TMEM232: variants seen among roughly 807,000 people sequenced by gnomAD.
TMEM232 encodes the protein transmembrane protein 232.
Under a neutral mutation model 78.8 loss-of-function variants are expected in TMEM232, and 80 were observed. The observed-to-expected ratio is 1.01, with a 90% confidence interval of 0.85 to 1.22. TMEM232 has a LOEUF of 1.22. Ranked by LOEUF, TMEM232 falls within the 50% of genes most tolerant of loss-of-function variation. The pLI is 0.00. For missense variants in TMEM232, 881 were observed against 742.2 expected (o/e 1.19, Z -2.17); for synonymous variants, 297 against 254.3 (o/e 1.17, Z -1.60).
intron 1 of TMEM232, among the ~76,000 whole-genome samples, chr5:110,724,191 T>G (rs1797938883): frequency 6.6e-6 from 1 of 152,172 alleles, no homozygotes; most frequent in South Asian, 2.1e-4. Flanking sequence ...TTCACATACT[T>G]TATATCTTTC....
chr5:110,520,189 G>T (rs570880309), intron 12 of TMEM232, among the ~76,000 whole-genome samples: 89 of 151,882 alleles, frequency 5.9e-4, no homozygotes, highest in Admixed American at 1.5e-3. Context: ...AGAAAGAAAT[G>T]ACACATTATT....
intron 11 of TMEM232, among the ~76,000 whole-genome samples, chr5:110,556,632 C>T (rs1775127343): frequency 6.6e-6 from 1 of 152,114 alleles, no homozygotes. Flanking sequence ...GGTGATCCAC[C>T]CAACTCAGCC....
At chr5:110,733,714 GA>G (rs1340385259) in intron 2 of TMEM232, among the ~76,000 whole-genome samples, 2 of 151,936 alleles carry the variant, frequency 1.3e-5, no homozygotes, top group Admixed American at 6.6e-5. Context: ...GAGAGGATCA[GA>G]AAAAAAACCT....
intron 12 of TMEM232, among the ~76,000 whole-genome samples, chr5:110,492,686 A>G (rs1438554024): frequency 2.0e-5 from 3 of 152,002 alleles, no homozygotes; most frequent in Admixed American, 6.6e-5. Context: ...AACATGCTCT[A>G]AATATTTGAA....
chr5:110,690,684 T>C (rs532305168), intron 1 of TMEM232, among the ~76,000 whole-genome samples: 8 of 152,318 alleles, frequency 5.3e-5, no homozygotes, highest in South Asian at 2.1e-4. Flanking sequence ...CATATGCTTA[T>C]TGCAGCACTA....
At chr5:110,587,974 A>C (rs1779067716) in intron 10 of TMEM232, among the ~76,000 whole-genome samples, 1 of 151,668 alleles carries the variant, frequency 6.6e-6, no homozygotes, top group South Asian at 2.1e-4. Context: ...TAAAGAGTAA[A>C]ATATTTTCCA....
At chr5:110,391,135 G>A (rs1755162955) in intron 3 of TMEM232, among the ~76,000 whole-genome samples, 1 of 152,152 alleles carries the variant, frequency 6.6e-6, no homozygotes, top group African/African-American at 2.4e-5. Context: ...AAACTATCAT[G>A]GCAGGGATGG....
At chr5:110,618,248 G>A (rs1056966357) in intron 8 of TMEM232, among the ~76,000 whole-genome samples, 181 bp downstream of exon 8, 1 of 152,008 alleles carries the variant, frequency 6.6e-6, no homozygotes, top group African/African-American at 2.4e-5. Context: ...AGAGAGAAAC[G>A]ATGTATTGAT....
At chr5:110,565,049 C>T (rs996921643) in intron 11 of TMEM232, among the ~76,000 whole-genome samples, 1 of 151,920 alleles carries the variant, frequency 6.6e-6, no homozygotes, top group African/African-American at 2.4e-5. Context: ...TACTTATCCT[C>T]TACTTCCTCC....
chr5:110,663,098 C>T (rs1357237143), intron 2 of TMEM232, among the ~76,000 whole-genome samples: 2 of 151,840 alleles, frequency 1.3e-5, no homozygotes, highest in East Asian at 1.9e-4. Flanking sequence ...ATGTATGAAA[C>T]GTTCATAATA....
At chr5:110,468,491 A>G (rs1762332926) in intron 12 of TMEM232, among the ~76,000 whole-genome samples, 1 of 152,096 alleles carries the variant, frequency 6.6e-6, no homozygotes, top group African/African-American at 2.4e-5. Context: ...TAAATTTATA[A>G]CTTTAAATAT....
intron 12 of TMEM232, among the ~76,000 whole-genome samples, chr5:110,524,411 G>GAAAGAAAGAAAAGAAAAGA (rs1554098914): frequency 1.6e-5 from 1 of 61,424 alleles, no homozygotes; most frequent in Non-Finnish European, 3.8e-5. Flanking sequence ...AAGAAAGAAA[G>GAAAGAAAGAAAAGAAAAGA]AAAGAAAAGA....
intron 2 of TMEM232, among the ~76,000 whole-genome samples, chr5:110,408,399 C>G (rs1439666640): frequency 6.6e-6 from 1 of 152,064 alleles, no homozygotes; most frequent in Non-Finnish European, 1.5e-5. Context: ...CGACACCAGC[C>G]TGGCCAATCT....
chr5:110,557,648 G>C (rs1775260185), intron 11 of TMEM232, among the ~76,000 whole-genome samples: 1 of 152,084 alleles, frequency 6.6e-6, no homozygotes, highest in African/African-American at 2.4e-5. Context: ...GGCTGGAGAA[G>C]GAGGAAGAGA....
At chr5:110,394,644 T>C (rs546042109) in intron 3 of TMEM232, among the ~76,000 whole-genome samples, 2 of 152,204 alleles carry the variant, frequency 1.3e-5, no homozygotes, top group Non-Finnish European at 2.9e-5. Context: ...CACAACTGTT[T>C]GTTTCAAGAA....
At chr5:110,468,529 T>C (rs1295767328) in intron 12 of TMEM232, among the ~76,000 whole-genome samples, 2 of 152,140 alleles carry the variant, frequency 1.3e-5, no homozygotes, top group African/African-American at 2.4e-5. Flanking sequence ...CTAATAATTA[T>C]ATTTCTTATA....
chr5:110,613,383 C>T (rs552606007), intron 8 of TMEM232, among the ~76,000 whole-genome samples: 1 of 152,242 alleles, frequency 6.6e-6, no homozygotes, highest in African/African-American at 2.4e-5. Flanking sequence ...CAAGCACAAG[C>T]CATTTTTGCC....
In TMEM232 at chr5:110,550,225, A is replaced by C. The variant is rs185193442; in HGVS notation, c.1455+18222T>G. 1.4e-3 allele frequency among the ~76,000 whole-genome samples: 206 copies of C among 152,304 alleles called. 1 individual carries two copies. The highest frequency in any genetic ancestry group is 0.012 in the Admixed American group (185 of 15,298). On this transcript the variant is annotated intron_variant, in intron 11 of 13. Transcript: ENST00000455884. ...GTCAATCATACCAAATGATGCATGA[A>C]ATGTATTTGGTAAAATTCTATATCA...
At chr5:110,631,519 C>T (rs1157306454) in intron 5 of TMEM232, among the ~76,000 whole-genome samples, 2 of 152,102 alleles carry the variant, frequency 1.3e-5, no homozygotes, top group South Asian at 2.1e-4. Flanking sequence ...ATTCTCTCTC[C>T]CCCTCTCCAT....
Sources: gnomAD v4.1 joint callset for allele counts (sites outside exome capture counted in the v4.1 genomes callset) on GRCh38, gnomAD v4.1.1 for gene constraint, MANE v1.5 for transcripts, NCBI Gene and HGNC (gene_info 2026-07-23, HGNC 2026-07-21) for gene names.